Variants in SAMD5 observed in about 807,000 individuals in gnomAD.
SAMD5 encodes the protein sterile alpha motif domain containing 5.
In SAMD5, 13 loss-of-function variants were observed where a neutral mutation model predicts 11.3. That is an observed-to-expected ratio of 1.15 (90% confidence interval 0.75 to 1.83). The LOEUF (loss-of-function observed/expected upper bound fraction) is 1.83. Among genes scored for constraint, SAMD5 ranks in the 40% most tolerant of loss-of-function variants. The pLI is 0.00. For missense variants in SAMD5, 255 were observed against 239.1 expected, an observed-to-expected ratio of 1.07 and a Z score of -0.44; for synonymous variants, 129 against 111.3, an observed-to-expected ratio of 1.16 and a Z score of -1.00.
rs531261901 is a variant in SAMD5 at position 147,590,030 on chromosome 6, T to C, written c.162+80643T>C. Among the ~76,000 whole-genome samples the C allele has an allele frequency of 9.2e-5, 14 of 152,290 alleles. No homozygotes were observed. The South Asian group carries it at 2.9e-3, about 32-fold the overall frequency. The stretch of plus-strand genomic sequence containing the variant: ...AAATAGACTGTTCAGGGCTGCCAAA[T>C]TGCAGTTAAAAATCTAGCAAAATGC... On this transcript the variant is annotated intron_variant, in intron 1 of 1. Coordinates refer to the SAMD5 transcript ENST00000566741.
At chr6:147,814,201 GT>G in the SAMD5 span, among the ~76,000 whole-genome samples, 1 of 152,074 alleles carries the variant, frequency 6.6e-6, no homozygotes, top group Non-Finnish European at 1.5e-5. Context: ...ATGTATCTCT[GT>G]TCTTTGTCAC....
the SAMD5 span, among the ~76,000 whole-genome samples, chr6:147,778,369 T>C: frequency 6.6e-6 from 1 of 152,170 alleles, no homozygotes; most frequent in Non-Finnish European, 1.5e-5. Context: ...CTCACTGCTG[T>C]TGCCTGGTGG....
the SAMD5 span, among the ~76,000 whole-genome samples, chr6:147,865,770 A>C: frequency 6.6e-6 from 1 of 151,802 alleles, no homozygotes; most frequent in Admixed American, 6.6e-5. Flanking sequence ...GAAAAAGAAA[A>C]CTCTCTTTCA....
chr6:147,696,335 G>T (rs1791175677), intron 1 of SAMD5, among the ~76,000 whole-genome samples: 1 of 149,930 alleles, frequency 6.7e-6, no homozygotes, highest in African/African-American at 2.5e-5. Context: ...TCTGATGATG[G>T]CTTACCCAGC....
At chr6:147,709,371 C>T (rs1328740940) in intron 1 of SAMD5, among the ~76,000 whole-genome samples, 1 of 152,158 alleles carries the variant, frequency 6.6e-6, no homozygotes, top group Non-Finnish European at 1.5e-5. Flanking sequence ...GAAGTCATAG[C>T]AGCAGTTAGG....
chr6:147,862,153 T>C, the SAMD5 span, among the ~76,000 whole-genome samples: 1 of 152,240 alleles, frequency 6.6e-6, no homozygotes, highest in Non-Finnish European at 1.5e-5. Flanking sequence ...GTTTCTTGTT[T>C]AGTTTTTTTT....
chr6:147,909,609 T>TTCTTTCTTTCTTTCTTTTCTTTCTTTC, the SAMD5 span, among the ~76,000 whole-genome samples: 15 of 69,146 alleles, frequency 2.2e-4, 1 homozygote, highest in Non-Finnish European at 7.7e-5. Context: ...TCTTTCTTTC[T>TTCTTTCTTTCTTTCTTTTCTTTCTTTC]TTCTTTCTTT....
At chr6:147,800,085 C>A in the SAMD5 span, among the ~76,000 whole-genome samples, 1 of 152,210 alleles carries the variant, frequency 6.6e-6, no homozygotes, top group Non-Finnish European at 1.5e-5. Context: ...AGTCATTCTC[C>A]GTCCAGCTTT....
At chr6:147,748,666 AAGAG>A in the SAMD5 span, among the ~76,000 whole-genome samples, 5 of 152,166 alleles carry the variant, frequency 3.3e-5, no homozygotes, top group African/African-American at 9.7e-5. Context: ...ATGTATGAAA[AAGAG>A]AGAGAAGAGG....
intron 1 of SAMD5, among the ~76,000 whole-genome samples, chr6:147,720,216 CT>C (rs1791527788): frequency 6.6e-6 from 1 of 152,194 alleles, no homozygotes; most frequent in African/African-American, 2.4e-5. Context: ...AATCCCAGCA[CT>C]TTGGGAGGCC....
the SAMD5 span, among the ~76,000 whole-genome samples, chr6:147,946,494 G>T: frequency 4.2e-3 from 636 of 152,202 alleles, 3 homozygotes; most frequent in African/African-American, 0.014. Context: ...TTGTTTCCTA[G>T]TCACTTCCAG....
chr6:147,892,314 A>G, the SAMD5 span, among the ~76,000 whole-genome samples: 4 of 152,208 alleles, frequency 2.6e-5, no homozygotes, highest in Non-Finnish European at 5.9e-5. Flanking sequence ...TCAGAATTCA[A>G]ACTTCTGAAT....
At position 147,566,933 on chromosome 6, in the gene SAMD5, A is replaced by G. The variant is rs1789051283; in HGVS notation, c.*2477A>G. On this transcript the variant is annotated 3_prime_UTR_variant, in exon 2 of 2. Transcript: ENST00000367474. ...TTTTCAGCGTTTTTCCTCTGTATCT[A>G]AACACCAATAATATACTTAATTTTT... The G allele has an allele frequency of 2.3e-6, 2 of 878,148 alleles. No homozygotes were observed. The highest frequency in any genetic ancestry group is 6.2e-5 in the Admixed American group (1 of 16,136). The allele number at this position is 878,148 out of a possible 1,614,324, so 54.4% of individuals were successfully genotyped here.
the SAMD5 span, among the ~76,000 whole-genome samples, chr6:147,860,754 T>C: frequency 6.6e-6 from 1 of 152,228 alleles, no homozygotes; most frequent in Non-Finnish European, 1.5e-5. Context: ...GATAGCTTTC[T>C]TCCATAAAAC....
the SAMD5 span, among the ~76,000 whole-genome samples, chr6:147,912,956 T>G: frequency 6.7e-6 from 1 of 150,206 alleles, no homozygotes; most frequent in African/African-American, 2.4e-5. Flanking sequence ...CCTCAAGGAG[T>G]GGGAGAGAAT....
At chr6:147,677,982 A>C (rs1251535442) in intron 1 of SAMD5, among the ~76,000 whole-genome samples, 1 of 152,130 alleles carries the variant, frequency 6.6e-6, no homozygotes. Context: ...AGAATGGTGC[A>C]ATTGGTTCTC....
chr6:147,851,732 T>A, the SAMD5 span, among the ~76,000 whole-genome samples: 17 of 152,278 alleles, frequency 1.1e-4, 1 homozygote, highest in South Asian at 3.5e-3. Flanking sequence ...ATATTTACTA[T>A]CCAGAGAGTA....
the SAMD5 span, among the ~76,000 whole-genome samples, chr6:147,763,086 C>T: frequency 2.0e-5 from 3 of 151,990 alleles, no homozygotes; most frequent in Non-Finnish European, 4.4e-5. Flanking sequence ...GAGTCTGATG[C>T]AAAAGTGAAA....
chr6:147,702,550 T>C lies in SAMD5; in HGVS notation c.163-34767T>C, dbSNP rs147343770. On this transcript the variant is annotated intron_variant, in intron 1 of 1. Transcript: ENST00000566741. ...AAGCATCCTAATAAAAATTATGGTG[T>C]GTGAAGGTTATTGCTTAATACAAAT... 4.6e-3 allele frequency among the ~76,000 whole-genome samples: 698 copies of C among 152,310 alleles called. 5 individuals are homozygous for C. Among genetic ancestry groups the C allele is most frequent in the Non-Finnish European group, 7.9e-3 (534 of 68,016 alleles).
Sources: allele counts gnomAD v4.1 joint callset (sites outside exome capture counted in the v4.1 genomes callset), GRCh38; gene constraint gnomAD v4.1.1; transcripts MANE v1.5; gene names NCBI Gene and HGNC (gene_info 2026-07-23, HGNC 2026-07-21).